The following MUSTN1 variants were observed in gnomAD, a reference collection of about 807,000 sequenced individuals.
MUSTN1 encodes musculoskeletal embryonic nuclear protein 1.
Under a neutral mutation model 11.8 loss-of-function variants are expected in MUSTN1, and 14 were observed. That is an observed-to-expected ratio of 1.18 (90% CI 0.78 to 1.85). The LOEUF (loss-of-function observed/expected upper bound fraction) is 1.85. Ranked by LOEUF, MUSTN1 falls within the 40% of genes most tolerant of loss-of-function variation. MUSTN1 has a pLI of 0.00. For missense variants in MUSTN1, 111 were observed against 108.8 expected, an observed-to-expected ratio of 1.02 and a Z score of -0.09; for synonymous variants, 42 against 43.3, an observed-to-expected ratio of 0.97 and a Z score of 0.12.
rs779739839 is a variant in MUSTN1 at position 52,833,444 on chromosome 3, T to G, written c.143-14A>C. 3.7e-6 allele frequency: 6 copies of G among 1,607,968 alleles called. No individual in the cohort carries two copies. The African/African-American group carries it at 6.7e-5, about 18-fold the overall frequency. On this transcript the variant is annotated splice_polypyrimidine_tract_variant and intron_variant, in intron 2 of 2. Transcript: ENST00000446157. ...AGCCAGCTTGCTCTGTGGGAGGAGGTAAAGTCAGGGGCCAGCCTAGCTTCC... is the reference window on the plus strand; with the variant it reads ...AGCCAGCTTGCTCTGTGGGAGGAGGGAAAGTCAGGGGCCAGCCTAGCTTCC...
chr3:52,833,473 G>C, intron 2 of MUSTN1, 43 bp from the exon 3 acceptor site: 1 of 1,599,398 alleles, frequency 6.3e-7, no homozygotes, highest in Admixed American at 1.7e-5. Flanking sequence ...AGCTTCCTGG[G>C]AGGGAAGATC....
chr3:52,833,413 C>A lies in MUSTN1; in HGVS notation c.160G>T (p.Ala54Ser), dbSNP rs758008149. ...MRECEQAGSA[A>S]PSVFSRTRTG... ...CGGGTGCGGCTGAACACCGACGGGG[C>A]GGCCGAGCCAGCTTGCTCTGTGGGA... The change falls in exon 3 of 3, where the codon GCC becomes TCC. Residue 54 changes from alanine (A) to serine (S), a missense_variant. Transcript: ENST00000446157. 2 of 1,612,728 alleles carry A rather than the reference C, an allele frequency of 1.2e-6. No homozygotes were observed. The highest frequency in any genetic ancestry group is 2.7e-5 in the African/African-American group (2 of 74,814).
At chr3:52,834,097 G>C (rs1440150426) in intron 1 of MUSTN1, among the ~76,000 whole-genome samples, 6 of 152,204 alleles carry the variant, frequency 3.9e-5, no homozygotes, top group Admixed American at 3.9e-4. Context: ...CAATACTAGG[G>C]AATTTGGTTA....
intron 1 of MUSTN1, 129 bp downstream of exon 1, chr3:52,834,811 C>T (rs1448865442): frequency 8.5e-7 from 1 of 1,178,216 alleles, no homozygotes; most frequent in Admixed American, 2.1e-5. Flanking sequence ...CCCCCATCTC[C>T]CAAGGGCTGC....
Position 52,833,715 on chromosome 3 carries a change from C to T in MUSTN1, c.44G>A (p.Arg15His), listed in dbSNP as rs143782627. Residue 15 changes from arginine to histidine, a missense_variant, in exon 2 of 3, where the codon CGC becomes CAC. Arg to His is a conservative substitution (Grantham distance 29). Transcript: ENST00000446157. ...GAQEAPIKKK[R>H]PPVKDEDLKG... Reference sequence around the variant, plus strand: ...CAGGTCCTCGTCCTTCACAGGGGGGCGCTTCTTCTTGATAGGGGCTTCCTG... The same window carrying T: ...CAGGTCCTCGTCCTTCACAGGGGGGTGCTTCTTCTTGATAGGGGCTTCCTG... The T allele has an allele frequency of 3.9e-4, 617 of 1,588,538 alleles. No individual in the cohort carries two copies. Among genetic ancestry groups the T allele is most frequent in the Non-Finnish European group, 4.7e-4 (544 of 1,167,418 alleles).
intron 1 of MUSTN1, 78 bp from the exon 2 acceptor site, chr3:52,833,827 A>T: frequency 1.3e-6 from 2 of 1,517,090 alleles, no homozygotes; most frequent in Non-Finnish European, 1.8e-6. Flanking sequence ...CTTGGCCAAG[A>T]CCCCTCTTCT....
chr3:52,834,794 C>T (rs1441570272), intron 1 of MUSTN1, 146 bp downstream of exon 1: 1 of 969,184 alleles, frequency 1.0e-6, no homozygotes, highest in Non-Finnish European at 1.6e-6. Context: ...AGGGGGTCCT[C>T]CCTGAGCCCC....
intron 1 of MUSTN1, among the ~76,000 whole-genome samples, chr3:52,834,521 T>G (rs1269311065): frequency 6.6e-6 from 1 of 152,056 alleles, no homozygotes; most frequent in South Asian, 2.1e-4. Flanking sequence ...TACAGCTTCA[T>G]GCATATACCA....
Position 52,834,430 on chromosome 3 carries a change from C to T in MUSTN1, c.9+510G>A, listed in dbSNP as rs930661298. ...CAGGTATTTCCTCGCTCAGCCTGGG[C>T]CAGGCTCCTCAGAGCAACACACTAT... is the stretch of plus-strand genomic sequence containing the variant. On this transcript the variant is annotated intron_variant, in intron 1 of 2. Transcript: ENST00000446157. Among the ~76,000 whole-genome samples, 4 of 152,184 alleles carry T rather than the reference C, an allele frequency of 2.6e-5. No homozygotes were observed. The South Asian group carries it at 8.3e-4, about 32-fold the overall frequency.
chr3:52,834,021 C>G (rs545661095), intron 1 of MUSTN1, among the ~76,000 whole-genome samples: 2 of 152,316 alleles, frequency 1.3e-5, no homozygotes, highest in Non-Finnish European at 2.9e-5. Flanking sequence ...GCGTGTCTGG[C>G]TACCTGGTCA....
In MUSTN1 at chr3:52,833,201, G is replaced by C. The variant is rs1217669121; in HGVS notation, c.*123C>G. The stretch of plus-strand genomic sequence containing the variant: ...AGCCCTTGGCTGAAGGGCCTGGACT[G>C]TGGGGGAGGGTGGCAGCCCCAGAGA... On this transcript the variant is annotated 3_prime_UTR_variant, in exon 3 of 3. Transcript: ENST00000446157. 4.2e-6 allele frequency: 6 copies of C among 1,420,358 alleles called. No individual in the cohort carries two copies. In the African/African-American group the frequency reaches 8.5e-5, roughly 20 times the overall value. 88.0% of individuals were successfully genotyped at this position (1,420,358 alleles called of 1,614,324 possible).
chr3:52,834,693 T>C, intron 1 of MUSTN1: 1 of 581,840 alleles, frequency 1.7e-6, no homozygotes, highest in Non-Finnish European at 3.1e-6. Flanking sequence ...TGCAAAGATC[T>C]ATCTAGGCCC....
Position 52,833,243 on chromosome 3 carries a change from G to A in MUSTN1, c.*81C>T, listed in dbSNP as rs1323792859. 4 of 1,568,584 alleles carry A rather than the reference G, an allele frequency of 2.6e-6. No individual in the cohort carries two copies. In the African/African-American group the frequency reaches 5.4e-5, roughly 21 times the overall value. On this transcript the variant is annotated 3_prime_UTR_variant, in exon 3 of 3. Transcript: ENST00000446157. ...CCCCAGAGACAGCAGGGGAGAGGAA[G>A]CGTTCTGGCATAAAAAAGAGTTCCT...
chr3:52,833,531 AG>A, intron 2 of MUSTN1, 85 bp downstream of exon 2: 1 of 1,584,258 alleles, frequency 6.3e-7, no homozygotes, highest in Non-Finnish European at 8.6e-7. Context: ...CTGGATTCTC[AG>A]AAAAGGATCC....
chr3:52,834,895 T>A, intron 1 of MUSTN1, 45 bp downstream of exon 1: 1 of 1,610,346 alleles, frequency 6.2e-7, no homozygotes, highest in South Asian at 1.1e-5. Context: ...GGACTCCACC[T>A]CCACTCCCTC....
intron 1 of MUSTN1, among the ~76,000 whole-genome samples, chr3:52,834,477 C>T (rs1700659468): frequency 6.6e-6 from 1 of 152,128 alleles, no homozygotes; most frequent in Non-Finnish European, 1.5e-5. Flanking sequence ...GCGATGCATC[C>T]AGCTGTGTCC....
chr3:52,834,058 C>T (rs1418283234), intron 1 of MUSTN1, among the ~76,000 whole-genome samples: 10 of 152,118 alleles, frequency 6.6e-5, no homozygotes, highest in African/African-American at 1.4e-4. Flanking sequence ...CAGTGGGGAA[C>T]AGCGAAGGGG....
intron 1 of MUSTN1, chr3:52,834,717 C>T (rs531524947): frequency 1.5e-6 from 1 of 674,724 alleles, no homozygotes; most frequent in South Asian, 1.6e-5. Context: ...CCACCCCCAA[C>T]ATTTCTCTCC....
rs763855035 is a variant in MUSTN1 at position 52,833,417 on chromosome 3, C to A, written c.156G>T (p.Ser52=). ...QVMRECEQAG[S]AAPSVFSRTR... ...TGCGGCTGAACACCGACGGGGCGGCCGAGCCAGCTTGCTCTGTGGGAGGAG... is the reference window on the plus strand; with the variant it reads ...TGCGGCTGAACACCGACGGGGCGGCAGAGCCAGCTTGCTCTGTGGGAGGAG... The change falls in exon 3 of 3, where the codon TCG becomes TCT. Residue 52 remains serine, a synonymous_variant. Transcript: ENST00000446157. The A allele has an allele frequency of 6.2e-7, 1 of 1,612,746 alleles. No individual in the cohort carries two copies. Among genetic ancestry groups the A allele is most frequent in the South Asian group, 1.1e-5 (1 of 91,040 alleles).
Sources: gnomAD v4.1 joint callset for allele counts (sites outside exome capture counted in the v4.1 genomes callset) on GRCh38, gnomAD v4.1.1 for gene constraint, MANE v1.5 for transcripts, NCBI Gene and HGNC (gene_info 2026-07-23, HGNC 2026-07-21) for gene names.